The following GRM1 variants were observed in gnomAD, a reference collection of about 807,000 sequenced individuals.
GRM1 encodes the protein glutamate metabotropic receptor 1.
GRM1 carries 33 observed loss-of-function variants against 90.9 expected under a neutral mutation model. The ratio of observed to expected loss-of-function variants is 0.36; its 90% CI spans 0.28 to 0.49. The LOEUF (loss-of-function observed/expected upper bound fraction) is 0.49. GRM1 is among the 20% of genes least tolerant of loss of function. The pLI is 0.99. For synonymous variants in GRM1, 700 were observed against 613.2 expected, an observed-to-expected ratio of 1.14 and a Z score of -2.09; for missense variants, 1,190 against 1,534.3, an observed-to-expected ratio of 0.78 and a Z score of 3.75.
At chr6:146,267,800 A>C (rs1402188872) in intron 2 of GRM1, among the ~76,000 whole-genome samples, 2 of 151,254 alleles carry the variant, frequency 1.3e-5, no homozygotes, top group African/African-American at 4.9e-5. Context: ...CTGGTGGCTG[A>C]TTAGATTGTG....
At chr6:146,141,949 A>T (rs1186765190) in intron 1 of GRM1, among the ~76,000 whole-genome samples, 5 of 152,094 alleles carry the variant, frequency 3.3e-5, no homozygotes, top group African/African-American at 1.2e-4. Flanking sequence ...CGCTTGTGGA[A>T]TTTTGTTGGT....
At chr6:146,349,334 G>A (rs896565973) in intron 3 of GRM1, among the ~76,000 whole-genome samples, 7 of 151,484 alleles carry the variant, frequency 4.6e-5, no homozygotes, top group Non-Finnish European at 1.0e-4. Context: ...GTCCGCCTCA[G>A]CCTCCCAAAG....
chr6:146,038,650 C>A (rs1651143823), intron 1 of GRM1, among the ~76,000 whole-genome samples: 1 of 151,944 alleles, frequency 6.6e-6, no homozygotes, highest in Non-Finnish European at 1.5e-5. Flanking sequence ...ACTTCTCATT[C>A]TCTCCCTTTA....
intron 3 of GRM1, among the ~76,000 whole-genome samples, chr6:146,332,400 C>G (rs1784614483): frequency 6.6e-6 from 1 of 152,168 alleles, no homozygotes; most frequent in Non-Finnish European, 1.5e-5. Flanking sequence ...GTCCCCATTT[C>G]TTTGCTGCCT....
intron 1 of GRM1, among the ~76,000 whole-genome samples, chr6:146,086,156 A>G (rs1042671509): frequency 6.6e-6 from 1 of 152,098 alleles, no homozygotes; most frequent in African/African-American, 2.4e-5. Flanking sequence ...TAGTTTGGAA[A>G]TGATTACCAA....
At chr6:146,273,370 C>A (rs1016519127) in intron 2 of GRM1, among the ~76,000 whole-genome samples, 4 of 152,034 alleles carry the variant, frequency 2.6e-5, no homozygotes. Flanking sequence ...GAGAAAAAAC[C>A]CACAGCTTTT....
At chr6:146,077,057 G>T (rs770839921) in intron 1 of GRM1, among the ~76,000 whole-genome samples, 1 of 152,066 alleles carries the variant, frequency 6.6e-6, no homozygotes, top group South Asian at 2.1e-4. Context: ...AGGATATTTC[G>T]TTATTTTGGA....
intron 7 of GRM1, among the ~76,000 whole-genome samples, chr6:146,418,862 T>G (rs896331015): frequency 5.9e-5 from 9 of 152,290 alleles, no homozygotes; most frequent in African/African-American, 2.2e-4. Flanking sequence ...GAAAACTTCT[T>G]TCACGCTTAA....
chr6:146,190,511 T>C (rs969834776), intron 2 of GRM1, among the ~76,000 whole-genome samples: 4 of 151,550 alleles, frequency 2.6e-5, no homozygotes, highest in African/African-American at 9.7e-5. Context: ...CTTGAGGGAG[T>C]TGGCCAACAC....
chr6:146,275,581 C>G (rs1227918712), intron 2 of GRM1, among the ~76,000 whole-genome samples: 1 of 152,000 alleles, frequency 6.6e-6, no homozygotes, highest in East Asian at 1.9e-4. Context: ...TTTTTCCTAT[C>G]TCTATCCCTA....
intron 2 of GRM1, among the ~76,000 whole-genome samples, chr6:146,213,350 A>G (rs1450175444): frequency 2.0e-5 from 3 of 152,118 alleles, no homozygotes; most frequent in South Asian, 2.1e-4. Context: ...ATTAATTTTA[A>G]TCTTCACCTG....
chr6:146,275,287 G>T (rs181150331), intron 2 of GRM1, among the ~76,000 whole-genome samples: 1 of 152,282 alleles, frequency 6.6e-6, no homozygotes. Flanking sequence ...GACCTTTTAA[G>T]GTGGGTGAAA....
intron 2 of GRM1, among the ~76,000 whole-genome samples, chr6:146,256,542 G>C (rs898595145): frequency 6.6e-6 from 1 of 152,076 alleles, no homozygotes; most frequent in African/African-American, 2.4e-5. Context: ...TGTATGATAA[G>C]TTTATCTAAG....
At chr6:146,286,058 T>C (rs923690037) in intron 2 of GRM1, among the ~76,000 whole-genome samples, 2 of 152,198 alleles carry the variant, frequency 1.3e-5, no homozygotes, top group African/African-American at 2.4e-5. Flanking sequence ...AGTTATACTG[T>C]CATTGTAATT....
chr6:146,120,694 A>G (rs552908208), intron 1 of GRM1, among the ~76,000 whole-genome samples: 46 of 152,192 alleles, frequency 3.0e-4, no homozygotes, highest in Non-Finnish European at 4.6e-4. Context: ...TATTGAGATA[A>G]TCATGTGGTT....
rs780857800 is a variant in GRM1 at position 146,159,488 on chromosome 6, C to A, written c.841C>A (p.Leu281Ile). 6 of 1,614,056 alleles carry A rather than the reference C, an allele frequency of 3.7e-6. No homozygotes were observed. The African/African-American group carries it at 8.0e-5, about 22-fold the overall frequency. ...DRLLRKLRERLPKARVVVCFC... is the reference protein window; with the variant it reads ...DRLLRKLRERIPKARVVVCFC... ...ACTCTTGCGCAAACTCCGAGAGAGGCTTCCCAAGGCTAGAGTGGTGGTCTG... is the reference window on the plus strand; with the variant it reads ...ACTCTTGCGCAAACTCCGAGAGAGGATTCCCAAGGCTAGAGTGGTGGTCTG... Residue 281 changes from leucine to isoleucine, a missense_variant, in exon 2 of 8, where the codon CTT becomes ATT. Leu to Ile is a conservative substitution (Grantham distance 5). This residue lies in a region of GRM1 where 45 missense variants were observed against 45.5 expected (regional missense o/e 0.99). Transcript: ENST00000282753.
chr6:146,388,407 T>C (rs1776585969), intron 6 of GRM1, among the ~76,000 whole-genome samples: 1 of 152,048 alleles, frequency 6.6e-6, no homozygotes, highest in African/African-American at 2.4e-5. Flanking sequence ...AGTAAAAATA[T>C]GCAACTAAGA....
intron 2 of GRM1, among the ~76,000 whole-genome samples, chr6:146,181,873 T>C (rs1778564569): frequency 6.6e-6 from 1 of 152,104 alleles, no homozygotes; most frequent in Admixed American, 6.5e-5. Flanking sequence ...TTATTAATTA[T>C]AAGCAGGATG....
chr6:146,126,262 A>G (rs995913916), intron 1 of GRM1, among the ~76,000 whole-genome samples: 2 of 152,176 alleles, frequency 1.3e-5, no homozygotes, highest in African/African-American at 4.8e-5. Flanking sequence ...TTATGAACAT[A>G]GTTCATATTG....
Sources: allele counts gnomAD v4.1 joint callset (sites outside exome capture counted in the v4.1 genomes callset), GRCh38; gene constraint gnomAD v4.1.1; regional missense constraint gnomAD v4.1.1; transcripts MANE v1.5; gene names NCBI Gene and HGNC (gene_info 2026-07-23, HGNC 2026-07-21).